DNAI3: variants seen among roughly 807,000 people sequenced by gnomAD.
DNAI3 encodes the protein WD repeat domain 63.
Under a neutral mutation model 115.5 loss-of-function variants are expected in DNAI3, and 83 were observed. The ratio of observed to expected loss-of-function variants is 0.72; its 90% CI spans 0.60 to 0.86. The LOEUF (loss-of-function observed/expected upper bound fraction) is 0.86, where lower values mean the gene tolerates loss of function less well. Among genes scored for constraint, DNAI3 ranks in the 40% least tolerant of loss-of-function variants. DNAI3 has a pLI of 0.00. For missense variants in DNAI3, 1,004 were observed against 1,075.8 expected, an observed-to-expected ratio of 0.93 and a Z score of 0.93; for synonymous variants, 320 against 347.0, an observed-to-expected ratio of 0.92 and a Z score of 0.86.
intron 5 of DNAI3, among the ~76,000 whole-genome samples, chr1:85,083,432 A>G (rs1176864443): frequency 1.3e-5 from 2 of 152,132 alleles, no homozygotes; most frequent in East Asian, 1.9e-4. Flanking sequence ...GGTTGCAGTG[A>G]GCCATGATCA....
In DNAI3 at chr1:85,132,900, A is replaced by G; in HGVS notation, c.2578A>G (p.Met860Val). 6.2e-7 allele frequency: 1 copy of G among 1,614,012 alleles called. No homozygotes were observed. Among genetic ancestry groups the G allele is most frequent in the Admixed American group, 1.7e-5 (1 of 60,014 alleles). The change falls in exon 23 of 23, where the codon ATG (methionine) becomes GTG (valine). Residue 860 changes from methionine (M) to valine (V), a missense_variant. This residue lies in a region of DNAI3 where 429 missense variants were observed against 454.3 expected (regional missense o/e 0.94). Coordinates refer to ENST00000294664, the MANE Select transcript of DNAI3 (RefSeq NM_145172.5). ...AGAACAAATGCAGGCTGAATTAAAA[A>G]TGGACTATGAGAGTTATCTGGAACT... is the stretch of plus-strand genomic sequence containing the variant. The part of the protein sequence containing the change: ...SKEQMQAELK[M>V]DYESYLELEK...
chr1:85,069,013 C>G (rs1424340251), intron 1 of DNAI3, among the ~76,000 whole-genome samples: 1 of 152,224 alleles, frequency 6.6e-6, no homozygotes, highest in Non-Finnish European at 1.5e-5. Flanking sequence ...CTCATCCACA[C>G]CACAGTGCAT....
At chr1:85,131,516 AAC>A (rs1308729486) in intron 22 of DNAI3, among the ~76,000 whole-genome samples, 1 of 152,178 alleles carries the variant, frequency 6.6e-6, no homozygotes, top group Non-Finnish European at 1.5e-5. Flanking sequence ...CAAATAAATT[AAC>A]ATTATCACTC....
intron 14 of DNAI3, among the ~76,000 whole-genome samples, chr1:85,107,464 A>G (rs1655523268): frequency 6.6e-6 from 1 of 152,240 alleles, no homozygotes; most frequent in Admixed American, 6.5e-5. Flanking sequence ...AAACATGCTA[A>G]GAGAAAAATG....
chr1:85,083,329 A>G (rs376428512), intron 5 of DNAI3, among the ~76,000 whole-genome samples: 2 of 152,110 alleles, frequency 1.3e-5, no homozygotes, highest in African/African-American at 2.4e-5. Flanking sequence ...ACCGCAAAAA[A>G]TAAAAATATT....
At position 85,071,930 on chromosome 1, in the gene DNAI3, CAA is replaced by C. The variant is rs1464855806; in HGVS notation, c.-11_-10del. 1 of 1,608,726 alleles carries C rather than the reference CAA, an allele frequency of 6.2e-7. No homozygotes were observed. Among genetic ancestry groups the C allele is most frequent in the African/African-American group, 1.3e-5 (1 of 74,608 alleles). The stretch of plus-strand genomic sequence containing the variant: ...AATAATATCATCTCTTTATGCAGCC[CAA>C]GTCAGAACCATGGCTCCAAAACAAA... On this transcript the variant is annotated 5_prime_UTR_variant, in exon 2 of 23. Coordinates refer to ENST00000294664, the MANE Select transcript of DNAI3 (RefSeq NM_145172.5).
Position 85,097,623 on chromosome 1 carries a change from G to A in DNAI3, c.1318G>A (p.Gly440Ser), listed in dbSNP as rs781020492. The A allele has an allele frequency of 3.7e-6, 6 of 1,612,606 alleles. No homozygotes were observed. In the African/African-American group the frequency reaches 8.0e-5, roughly 22 times the overall value. The change falls in exon 12 of 23, where the codon GGT (glycine) becomes AGT (serine). Residue 440 changes from glycine (G) to serine (S), a missense_variant. Around this residue, in one of 3 missense-constraint regions of DNAI3, gnomAD observed 550 missense variants for 568.1 expected, o/e 0.97. Transcript: ENST00000294664. ...HADRIENIKAGGSRSKRATLK... is the reference protein window; with the variant it reads ...HADRIENIKASGSRSKRATLK... The stretch of plus-strand genomic sequence containing the variant: ...AGATCGCATAGAAAACATTAAGGCA[G>A]GTGGTAGTAGAAGTAAAAGAGCCAC...
intron 17 of DNAI3, among the ~76,000 whole-genome samples, chr1:85,119,778 A>G (rs1236716518): frequency 6.6e-5 from 10 of 151,484 alleles, no homozygotes; most frequent in Non-Finnish European, 1.5e-4. Context: ...GCTTATTGCA[A>G]CCTCCACCTC....
At chr1:85,086,407 C>T (rs1654802292) in intron 7 of DNAI3, among the ~76,000 whole-genome samples, 1 of 152,144 alleles carries the variant, frequency 6.6e-6, no homozygotes, top group South Asian at 2.1e-4. Flanking sequence ...GTCTAGGTTT[C>T]TTCTTTGGCT....
At chr1:85,106,214 C>A (rs1311445552) in intron 14 of DNAI3, among the ~76,000 whole-genome samples, 1 of 152,222 alleles carries the variant, frequency 6.6e-6, no homozygotes, top group East Asian at 1.9e-4. Flanking sequence ...GATTATGTAA[C>A]TTTGATGAAA....
rs1247092293 is a variant in DNAI3, at chr1:85,069,937, T to C, written c.-14-1991T>C. Among the ~76,000 whole-genome samples, 3 of 152,152 alleles carry C rather than the reference T, an allele frequency of 2.0e-5. No homozygotes were observed. The East Asian group carries it at 5.8e-4, about 29-fold the overall frequency. On this transcript the variant is annotated intron_variant, in intron 1 of 22. Transcript: ENST00000294664. ...CAGAATATCTTAAAAATAGAAATTG[T>C]CAGAATCATAAAATATTGATTAGAT... is the stretch of plus-strand genomic sequence containing the variant.
intron 3 of DNAI3, among the ~76,000 whole-genome samples, chr1:85,077,825 T>A (rs1654509117): frequency 6.6e-6 from 1 of 152,018 alleles, no homozygotes; most frequent in South Asian, 2.1e-4. Context: ...CGTTTGTCAA[T>A]TATAACTCAG....
intron 6 of DNAI3, among the ~76,000 whole-genome samples, chr1:85,085,011 C>T (rs1654757423): frequency 6.6e-6 from 1 of 152,094 alleles, no homozygotes; most frequent in African/African-American, 2.4e-5. Flanking sequence ...TAATCCAATA[C>T]AACTGGTGTC....
intron 17 of DNAI3, among the ~76,000 whole-genome samples, chr1:85,119,615 A>G (rs374013785): frequency 5.9e-5 from 9 of 152,148 alleles, no homozygotes; most frequent in South Asian, 2.1e-4. Context: ...ACCATGGCCT[A>G]TAAGATTCGT....
chr1:85,066,108 GTAAAT>G (rs1185605471), intron 1 of DNAI3, among the ~76,000 whole-genome samples: 1 of 151,994 alleles, frequency 6.6e-6, no homozygotes, highest in African/African-American at 2.4e-5. Context: ...TCTGAAATGG[GTAAAT>G]TAATTTACAA....
At chr1:85,116,357 C>T (rs1330893350) in intron 16 of DNAI3, among the ~76,000 whole-genome samples, 1 of 152,220 alleles carries the variant, frequency 6.6e-6, no homozygotes, top group Non-Finnish European at 1.5e-5. Context: ...ACATTTATCG[C>T]ACCTTTGCCT....
At chr1:85,090,802 A>T (rs1369143469) in intron 8 of DNAI3, among the ~76,000 whole-genome samples, 1 of 152,134 alleles carries the variant, frequency 6.6e-6, no homozygotes, top group African/African-American at 2.4e-5. Flanking sequence ...TAAACCAGAG[A>T]AACAGCTTGA....
chr1:85,063,772 G>C (rs1422126129), intron 1 of DNAI3, among the ~76,000 whole-genome samples: 2 of 152,154 alleles, frequency 1.3e-5, no homozygotes, highest in Non-Finnish European at 2.9e-5. Flanking sequence ...AGTTGTTCTG[G>C]TTAGAACAGA....
chr1:85,095,710 C>CCTTGAGAA (rs977733510), intron 10 of DNAI3, among the ~76,000 whole-genome samples: 1 of 152,174 alleles, frequency 6.6e-6, no homozygotes, highest in African/African-American at 2.4e-5. Flanking sequence ...ACCTGGGTCC[C>CCTTGAGAA]CTTGAGAACA....
Sources: allele counts gnomAD v4.1 joint callset (sites outside exome capture counted in the v4.1 genomes callset), GRCh38; gene constraint gnomAD v4.1.1; regional missense constraint gnomAD v4.1.1; transcripts MANE v1.5; gene names NCBI Gene and HGNC (gene_info 2026-07-23, HGNC 2026-07-21).